Variants in ERC2 observed in about 807,000 individuals in gnomAD.
ERC2 encodes the protein ELKS/RAB6-interacting/CAST family member 2.
In ERC2, 42 loss-of-function variants were observed where a neutral mutation model predicts 114.8. The ratio of observed to expected loss-of-function variants is 0.37; its 90% confidence interval spans 0.29 to 0.47. ERC2 has a LOEUF of 0.47. Among genes scored for constraint, ERC2 ranks in the 20% least tolerant of loss-of-function variants. The pLI is 0.99. For synonymous variants in ERC2, 454 were observed against 425.5 expected, an observed-to-expected ratio of 1.07 and a Z score of -0.82; for missense variants, 939 against 1,150.7, an observed-to-expected ratio of 0.82 and a Z score of 2.66.
At chr3:55,912,330 A>G (rs1300715560) in intron 13 of ERC2, among the ~76,000 whole-genome samples, 1 of 152,206 alleles carries the variant, frequency 6.6e-6, no homozygotes, top group Non-Finnish European at 1.5e-5. Context: ...TTGCCAACAG[A>G]TATTAAATCA....
intron 6 of ERC2, among the ~76,000 whole-genome samples, chr3:56,087,551 A>T (rs1475313209): frequency 6.6e-6 from 1 of 152,174 alleles, no homozygotes; most frequent in African/African-American, 2.4e-5. Context: ...AATTTCTAAA[A>T]ATCAAACAGT....
intron 7 of ERC2, among the ~76,000 whole-genome samples, chr3:56,043,687 C>T (rs371568454): frequency 6.6e-6 from 1 of 152,082 alleles, no homozygotes; most frequent in Non-Finnish European, 1.5e-5. Context: ...AATACTCATA[C>T]GTTCATTTTC....
chr3:55,941,751 G>A (rs376932139), intron 13 of ERC2, among the ~76,000 whole-genome samples: 2 of 152,030 alleles, frequency 1.3e-5, no homozygotes, highest in East Asian at 3.9e-4. Context: ...ATCCTTTCAT[G>A]GATGGAGAAA....
At chr3:55,707,594 T>C (rs1476365729) in intron 15 of ERC2, among the ~76,000 whole-genome samples, 1 of 152,220 alleles carries the variant, frequency 6.6e-6, no homozygotes, top group African/African-American at 2.4e-5. Context: ...AAGAGTTCTA[T>C]GTGCTCTGCT....
intron 17 of ERC2, among the ~76,000 whole-genome samples, chr3:55,554,307 CT>C (rs1319438589): frequency 6.6e-6 from 1 of 152,194 alleles, no homozygotes; most frequent in Non-Finnish European, 1.5e-5. Context: ...GAAAAAACCT[CT>C]TTGAGACCAA....
intron 6 of ERC2, among the ~76,000 whole-genome samples, chr3:56,125,563 T>C (rs1435706636): frequency 6.6e-6 from 1 of 152,166 alleles, no homozygotes; most frequent in Non-Finnish European, 1.5e-5. Context: ...AGCGACTGGC[T>C]AGATTGAAAA....
At chr3:56,455,766 G>T (rs1340681812) in intron 1 of ERC2, among the ~76,000 whole-genome samples, 1 of 152,116 alleles carries the variant, frequency 6.6e-6, no homozygotes, top group Non-Finnish European at 1.5e-5. Flanking sequence ...GTTTCAGGAA[G>T]AGACTAAAAA....
chr3:56,117,199 C>T (rs140627767), intron 6 of ERC2, among the ~76,000 whole-genome samples: 3,206 of 152,296 alleles, frequency 0.021, 65 homozygotes, highest in Non-Finnish European at 0.032. Context: ...AATGCTCTCG[C>T]TGTGCTTGGC....
intron 1 of ERC2, among the ~76,000 whole-genome samples, chr3:56,444,288 T>C (rs777844928): frequency 2.6e-5 from 4 of 152,136 alleles, no homozygotes; most frequent in Non-Finnish European, 2.9e-5. Flanking sequence ...GCCAATCTTA[T>C]ATGTTTGTGA....
At chr3:55,798,357 C>T (rs1559671919) in intron 14 of ERC2, among the ~76,000 whole-genome samples, 2 of 152,128 alleles carry the variant, frequency 1.3e-5, no homozygotes, top group South Asian at 2.1e-4. Context: ...CCAGCACTTT[C>T]GGAGGCCGAG....
At chr3:56,325,529 C>T (rs1292315456) in intron 2 of ERC2, among the ~76,000 whole-genome samples, 1 of 152,140 alleles carries the variant, frequency 6.6e-6, no homozygotes, top group African/African-American at 2.4e-5. Context: ...ATAAATATTT[C>T]TTCTATTAGT....
chr3:56,202,023 T>C (rs776356810), intron 3 of ERC2, among the ~76,000 whole-genome samples: 1 of 152,190 alleles, frequency 6.6e-6, no homozygotes, highest in Non-Finnish European at 1.5e-5. Flanking sequence ...TGAATCAAAA[T>C]AGTCATCAGT....
chr3:55,517,446 C>CAAA (rs11309251), intron 17 of ERC2, among the ~76,000 whole-genome samples: 6,431 of 90,018 alleles, frequency 0.071, 253 homozygotes, highest in Non-Finnish European at 0.081. Flanking sequence ...GACTCCGTCT[C>CAAA]AAAAAAAAAA....
intron 14 of ERC2, among the ~76,000 whole-genome samples, chr3:55,832,892 C>A (rs971999230): frequency 1.3e-5 from 2 of 151,970 alleles, no homozygotes; most frequent in African/African-American, 4.8e-5. Flanking sequence ...ACTAGAATAA[C>A]CAATACAGAG....
chr3:55,829,799 A>G (rs1444233723), intron 14 of ERC2, among the ~76,000 whole-genome samples: 1 of 152,198 alleles, frequency 6.6e-6, no homozygotes, highest in Non-Finnish European at 1.5e-5. Context: ...TACTGAGATT[A>G]CAGGTATAAT....
intron 3 of ERC2, among the ~76,000 whole-genome samples, chr3:56,180,165 G>A (rs771299709): frequency 4.6e-5 from 7 of 152,186 alleles, no homozygotes; most frequent in Non-Finnish European, 1.0e-4. Context: ...ATAGGATGAA[G>A]CTAGAGAATT....
intron 13 of ERC2, among the ~76,000 whole-genome samples, chr3:55,897,255 G>A (rs1164506186): frequency 2.0e-5 from 3 of 152,180 alleles, no homozygotes; most frequent in East Asian, 1.9e-4. Flanking sequence ...TTCCTGACGC[G>A]TGGCAGCTTC....
At position 55,721,219 on chromosome 3, in the gene ERC2, T is replaced by C. The variant is rs2064528441; in HGVS notation, c.2712+13552A>G. The stretch of plus-strand genomic sequence containing the variant: ...CCAACCACTTATCAGCTCTGTGACT[T>C]GGTTTCCCCATCTGCAAAGTGGGCA... On this transcript the variant is annotated intron_variant, in intron 15 of 17. Coordinates refer to ENST00000288221, the MANE Select transcript of ERC2 (RefSeq NM_015576.3). Among the ~76,000 whole-genome samples the C allele has an allele frequency of 2.0e-5, 3 of 152,224 alleles. No individual in the cohort carries two copies. In the South Asian group the frequency reaches 6.2e-4, roughly 32 times the overall value.
chr3:55,898,982 T>G (rs1428163132), intron 13 of ERC2, among the ~76,000 whole-genome samples: 10 of 152,232 alleles, frequency 6.6e-5, no homozygotes, highest in Admixed American at 6.5e-4. Flanking sequence ...TGTATGCCAC[T>G]AACTACATGC....
Sources: gnomAD v4.1 joint callset for allele counts (sites outside exome capture counted in the v4.1 genomes callset) on GRCh38, gnomAD v4.1.1 for gene constraint, MANE v1.5 for transcripts, NCBI Gene and HGNC (gene_info 2026-07-23, HGNC 2026-07-21) for gene names.